Variants in NVL observed in about 807,000 individuals in gnomAD.
The protein encoded by NVL is nuclear VCP like, also known as nuclear valosin-containing protein-like.
Under a neutral mutation model 110.2 loss-of-function variants are expected in NVL, and 84 were observed. The observed-to-expected ratio is 0.76, with a 90% CI of 0.64 to 0.91. The LOEUF (loss-of-function observed/expected upper bound fraction) is 0.91. Ranked by LOEUF, NVL falls within the 40% of genes least tolerant of loss-of-function variation. The pLI, the probability that NVL is intolerant of heterozygous loss-of-function variation, is 0.00. For missense variants in NVL, 882 were observed against 1,035.9 expected (o/e 0.85, Z 2.04); for synonymous variants, 354 against 361.1 (o/e 0.98, Z 0.22).
At chr1:224,231,106 A>C (rs945780607) in intron 22 of NVL, 120 bp downstream of exon 22, 16 of 660,234 alleles carry the variant, frequency 2.4e-5, no homozygotes, top group Admixed American at 1.4e-4. Flanking sequence ...GCACTCCAGC[A>C]TGGACGACAG....
intron 18 of NVL, among the ~76,000 whole-genome samples, chr1:224,259,280 G>A (rs1049383335): frequency 6.6e-6 from 1 of 151,974 alleles, no homozygotes; most frequent in Non-Finnish European, 1.5e-5. Context: ...TGGTAGAGAC[G>A]AGGCTTCACT....
chr1:224,273,768 T>C (rs1665439549), intron 17 of NVL, among the ~76,000 whole-genome samples: 1 of 152,116 alleles, frequency 6.6e-6, no homozygotes, highest in Non-Finnish European at 1.5e-5. Flanking sequence ...TTTTGCTCCA[T>C]AGCCCACAGT....
chr1:224,239,847 A>G (rs1313302990), intron 19 of NVL, among the ~76,000 whole-genome samples: 2 of 152,130 alleles, frequency 1.3e-5, no homozygotes, highest in Non-Finnish European at 2.9e-5. Context: ...TTGTGTCAGA[A>G]ATACCGTTAA....
intron 18 of NVL, among the ~76,000 whole-genome samples, chr1:224,258,184 A>G (rs1308076122): frequency 6.6e-6 from 1 of 152,200 alleles, no homozygotes; most frequent in Admixed American, 6.5e-5. Flanking sequence ...TAGAACAAAG[A>G]ACTCTTACTA....
chr1:224,313,896 G>C (rs997148065), intron 4 of NVL, among the ~76,000 whole-genome samples: 2 of 152,166 alleles, frequency 1.3e-5, no homozygotes, highest in African/African-American at 4.8e-5. Context: ...CCAACTACTC[G>C]GGAGGCTGAG....
intron 18 of NVL, among the ~76,000 whole-genome samples, chr1:224,254,144 T>G (rs891246037): frequency 1.3e-5 from 2 of 152,108 alleles, no homozygotes; most frequent in Non-Finnish European, 2.9e-5. Context: ...CAGGCTGGAG[T>G]GCAGTGGCAT....
intron 2 of NVL, among the ~76,000 whole-genome samples, chr1:224,318,849 C>T (rs1043199429): frequency 1.4e-4 from 21 of 150,898 alleles, no homozygotes; most frequent in Non-Finnish European, 2.7e-4. Flanking sequence ...ATTAGCCAGG[C>T]GTGGTGGTGG....
intron 16 of NVL, among the ~76,000 whole-genome samples, chr1:224,277,968 G>A (rs1037368159): frequency 2.0e-5 from 3 of 152,018 alleles, no homozygotes; most frequent in African/African-American, 7.2e-5. Flanking sequence ...TTAATTGTTC[G>A]AATCTTTCAG....
chr1:224,328,124 G>A (rs919231979), intron 1 of NVL, among the ~76,000 whole-genome samples: 18 of 152,038 alleles, frequency 1.2e-4, no homozygotes, highest in Admixed American at 2.6e-4. Context: ...CAGAACATGC[G>A]GGTTTGTTAC....
chr1:224,320,110 G>T (rs1208682987), intron 2 of NVL, among the ~76,000 whole-genome samples: 1 of 151,940 alleles, frequency 6.6e-6, no homozygotes, highest in Non-Finnish European at 1.5e-5. Context: ...TTTCAGTTCT[G>T]GAAAAAAAAT....
chr1:224,281,284 C>CATGT (rs1553320769), intron 15 of NVL, 99 bp from the exon 16 acceptor site: 28 of 553,230 alleles, frequency 5.1e-5, no homozygotes, highest in Non-Finnish European at 8.4e-5. Context: ...ACTCTGTGTG[C>CATGT]GTGTGTGTGT....
chr1:224,236,428 G>T, intron 20 of NVL, 78 bp downstream of exon 20: 1 of 1,062,606 alleles, frequency 9.4e-7, no homozygotes, highest in Non-Finnish European at 1.5e-6. Flanking sequence ...CTGCTGAGGT[G>T]AGCATCATCA....
chr1:224,227,526 G>T lies in NVL; in HGVS notation c.*100C>A. The T allele has an allele frequency of 1.0e-6, 1 of 974,926 alleles. No individual in the cohort carries two copies. Among genetic ancestry groups the T allele is most frequent in the Non-Finnish European group, 1.5e-6 (1 of 657,820 alleles). The allele number at this position is 974,926 out of a possible 1,614,324, so 60.4% of individuals were successfully genotyped here. A position where few individuals can be genotyped will look rare whatever the true frequency, so the allele number is the denominator to read the frequency against. On this transcript the variant is annotated 3_prime_UTR_variant, in exon 23 of 23. Transcript: ENST00000281701. ...ATTTGAAAATAAAATGTTTACATGAGGCCGCGCCTGTGTCCAGCTGAAAGT... is the reference window on the plus strand; with the variant it reads ...ATTTGAAAATAAAATGTTTACATGATGCCGCGCCTGTGTCCAGCTGAAAGT...
intron 16 of NVL, among the ~76,000 whole-genome samples, chr1:224,279,415 C>CTCTACTA (rs1666098454): frequency 6.6e-6 from 1 of 152,048 alleles, no homozygotes. Context: ...TTCCAGAGAC[C>CTCTACTA]CTGTCTCTCT....
At chr1:224,311,538 T>C (rs928323203) in intron 5 of NVL, among the ~76,000 whole-genome samples, 6 of 149,666 alleles carry the variant, frequency 4.0e-5, no homozygotes, top group Non-Finnish European at 8.8e-5. Flanking sequence ...CCGGCTAACT[T>C]TTGTATTTTT....
chr1:224,289,328 A>G, intron 13 of NVL, 156 bp downstream of exon 13: 1 of 592,498 alleles, frequency 1.7e-6, no homozygotes. Flanking sequence ...TATTTTTGAA[A>G]TGATAAACAT....
chr1:224,247,459 A>G (rs1661981193), intron 19 of NVL, among the ~76,000 whole-genome samples: 1 of 152,026 alleles, frequency 6.6e-6, no homozygotes, highest in African/African-American at 2.4e-5. Context: ...TCACGAGGTC[A>G]GGAGTTCGAG....
intron 16 of NVL, among the ~76,000 whole-genome samples, chr1:224,276,477 A>C (rs1017215268): frequency 1.3e-5 from 2 of 152,078 alleles, no homozygotes; most frequent in African/African-American, 2.4e-5. Flanking sequence ...GAACTCAAAT[A>C]TCCACCTGAC....
At chr1:224,271,615 A>G (rs1665111574) in intron 17 of NVL, among the ~76,000 whole-genome samples, 1 of 152,170 alleles carries the variant, frequency 6.6e-6, no homozygotes, top group African/African-American at 2.4e-5. Context: ...AACCTCCAAA[A>G]AGAGTAATAC....
Sources: allele counts gnomAD v4.1 joint callset (sites outside exome capture counted in the v4.1 genomes callset), GRCh38; gene constraint gnomAD v4.1.1; transcripts MANE v1.5; gene names NCBI Gene and HGNC (gene_info 2026-07-23, HGNC 2026-07-21).